The following EXOC6B variants were observed in gnomAD, a reference collection of about 807,000 sequenced individuals.
EXOC6B encodes exocyst complex component 6B.
In EXOC6B, 54 loss-of-function variants were observed where a neutral mutation model predicts 113.5. The ratio of observed to expected loss-of-function variants is 0.48; its 90% CI spans 0.38 to 0.60. The LOEUF (loss-of-function observed/expected upper bound fraction) is 0.60. Ranked by LOEUF, EXOC6B falls within the 20% of genes least tolerant of loss-of-function variation. The pLI, the probability that EXOC6B is intolerant of heterozygous loss-of-function variation, is 0.00. For synonymous variants in EXOC6B, 357 were observed against 339.0 expected, an observed-to-expected ratio of 1.05 and a Z score of -0.58; for missense variants, 797 against 977.5, an observed-to-expected ratio of 0.82 and a Z score of 2.46.
At chr2:72,775,723 T>C (rs1683656444) in intron 1 of EXOC6B, among the ~76,000 whole-genome samples, 2 of 152,122 alleles carry the variant, frequency 1.3e-5, no homozygotes, top group South Asian at 2.1e-4. Context: ...ACTTTAACAA[T>C]GGAGACAGTG....
intron 5 of EXOC6B, among the ~76,000 whole-genome samples, chr2:72,722,976 C>T (rs1029202540): frequency 6.6e-6 from 1 of 152,134 alleles, no homozygotes; most frequent in Non-Finnish European, 1.5e-5. Flanking sequence ...AAGAATGTCA[C>T]CCTATTTCCC....
intron 20 of EXOC6B, among the ~76,000 whole-genome samples, chr2:72,318,776 A>C (rs769378484): frequency 2.0e-5 from 3 of 152,220 alleles, no homozygotes; most frequent in Non-Finnish European, 4.4e-5. Context: ...AAGAATTGAA[A>C]ATATGGACAC....
chr2:72,338,910 C>CACACATACACATACACAT (rs70963125), intron 19 of EXOC6B, among the ~76,000 whole-genome samples: 4,738 of 142,486 alleles, frequency 0.033, 159 homozygotes, highest in African/African-American at 0.073. Context: ...TGGAAGAACA[C>CACACATACACATACACAT]ACACATACAC....
chr2:72,823,459 G>GAAAAAAAAAAAAAAAA lies in EXOC6B; in HGVS notation c.113+2323_113+2338dup, dbSNP rs1237385156. Among the ~76,000 whole-genome samples, 5 of 70,022 alleles carry GAAAAAAAAAAAAAAAA rather than the reference G, an allele frequency of 7.1e-5. 1 individual carries two copies. The highest frequency in any genetic ancestry group is 5.8e-4 in the Admixed American group (3 of 5,202). 45.9% of individuals were successfully genotyped at this position (70,022 alleles called of 152,430 possible). ...CCAACTTCTCAAATCAAAGTTTTAAGAAAAAAAAAAAAAAAAAAACAAAAA... is the reference window on the plus strand; with the variant it reads ...CCAACTTCTCAAATCAAAGTTTTAAGAAAAAAAAAAAAAAAAAAAAAAAAAAAAAAAAAAACAAAAA... On this transcript the variant is annotated intron_variant, in intron 1 of 21. Coordinates refer to ENST00000272427, the MANE Select transcript of EXOC6B (RefSeq NM_015189.3).
At chr2:72,694,827 A>G (rs1467251079) in intron 6 of EXOC6B, among the ~76,000 whole-genome samples, 1 of 152,076 alleles carries the variant, frequency 6.6e-6, no homozygotes, top group Non-Finnish European at 1.5e-5. Context: ...GTAGCAAGAC[A>G]TTTTCTCTGT....
chr2:72,458,804 T>C (rs1307795267), intron 18 of EXOC6B, among the ~76,000 whole-genome samples: 1 of 152,178 alleles, frequency 6.6e-6, no homozygotes, highest in African/African-American at 2.4e-5. Flanking sequence ...TGCTTCTAAA[T>C]GACCTAGAGG....
intron 19 of EXOC6B, among the ~76,000 whole-genome samples, chr2:72,358,092 C>T (rs6735400): frequency 0.21 from 32,410 of 151,902 alleles, 6,604 homozygotes; most frequent in African/African-American, 0.54. Context: ...TGTGTAAGTC[C>T]CCTGGTAAAC....
intron 13 of EXOC6B, among the ~76,000 whole-genome samples, chr2:72,497,126 AC>A (rs1465912284): frequency 2.0e-5 from 3 of 151,642 alleles, no homozygotes; most frequent in Non-Finnish European, 4.4e-5. Context: ...GTTGTTCACC[AC>A]CACATCGGGC....
intron 1 of EXOC6B, among the ~76,000 whole-genome samples, chr2:72,793,918 G>C (rs1405057174): frequency 6.6e-6 from 1 of 152,136 alleles, no homozygotes; most frequent in Non-Finnish European, 1.5e-5. Context: ...TTAATAAAAG[G>C]GAAGAGAAGA....
At chr2:72,193,947 A>C (rs1679005402) in intron 20 of EXOC6B, among the ~76,000 whole-genome samples, 1 of 152,214 alleles carries the variant, frequency 6.6e-6, no homozygotes, top group South Asian at 2.1e-4. Context: ...TGATTTACAT[A>C]ATTATCTATG....
chr2:72,250,957 C>T (rs1356695064), intron 20 of EXOC6B, among the ~76,000 whole-genome samples: 1 of 151,826 alleles, frequency 6.6e-6, no homozygotes, highest in African/African-American at 2.4e-5. Context: ...CTTACCTCAG[C>T]CTCTGGAGTA....
chr2:72,686,107 A>G (rs899550126), intron 6 of EXOC6B, among the ~76,000 whole-genome samples: 8 of 152,284 alleles, frequency 5.3e-5, no homozygotes, highest in Non-Finnish European at 1.0e-4. Context: ...GAGCTTGATA[A>G]TTCCCTTTTT....
chr2:72,823,844 T>C (rs1431879279), intron 1 of EXOC6B, among the ~76,000 whole-genome samples: 1 of 152,222 alleles, frequency 6.6e-6, no homozygotes, highest in Non-Finnish European at 1.5e-5. Flanking sequence ...GTCTTGTCAT[T>C]ATTACCTAAA....
At chr2:72,322,414 T>G (rs1369090527) in intron 20 of EXOC6B, among the ~76,000 whole-genome samples, 1 of 152,142 alleles carries the variant, frequency 6.6e-6, no homozygotes, top group Non-Finnish European at 1.5e-5. Flanking sequence ...CAGTGGTTAT[T>G]TGGGGACAAA....
intron 20 of EXOC6B, among the ~76,000 whole-genome samples, chr2:72,247,484 A>T (rs1445385202): frequency 7.2e-5 from 11 of 152,214 alleles, no homozygotes; most frequent in African/African-American, 2.7e-4. Flanking sequence ...TAGTGCTTTT[A>T]AAAAAGTTTC....
At position 72,256,264 on chromosome 2, in the gene EXOC6B, G is replaced by A. The variant is rs367820347; in HGVS notation, c.2197-72077C>T. 5.9e-5 allele frequency among the ~76,000 whole-genome samples: 9 copies of A among 152,286 alleles called. No individual in the cohort carries two copies. The East Asian group carries it at 9.6e-4, about 16-fold the overall frequency. ...ATATCTTGACTGTGGCCTCCAGAAC[G>A]GTTAGAAATAAAATTCTTGCTTTAA... On this transcript the variant is annotated intron_variant, in intron 20 of 21. Transcript: ENST00000272427.
At chr2:72,255,431 G>C (rs1386792479) in intron 20 of EXOC6B, among the ~76,000 whole-genome samples, 1 of 152,242 alleles carries the variant, frequency 6.6e-6, no homozygotes, top group Non-Finnish European at 1.5e-5. Flanking sequence ...CATGGGTGCA[G>C]AAGTAGACAC....
At chr2:72,303,940 G>T (rs1686682510) in intron 20 of EXOC6B, among the ~76,000 whole-genome samples, 1 of 152,170 alleles carries the variant, frequency 6.6e-6, no homozygotes, top group Admixed American at 6.5e-5. Context: ...GACCTATGTG[G>T]AAAACATTCT....
chr2:72,266,669 G>A (rs1423616658), intron 20 of EXOC6B, among the ~76,000 whole-genome samples: 20 of 151,808 alleles, frequency 1.3e-4, no homozygotes, highest in African/African-American at 3.9e-4. Flanking sequence ...CTTGTAGTAT[G>A]GTTTGAAGTC....
Sources: gnomAD v4.1 joint callset for allele counts (sites outside exome capture counted in the v4.1 genomes callset) on GRCh38, gnomAD v4.1.1 for gene constraint, MANE v1.5 for transcripts, NCBI Gene and HGNC (gene_info 2026-07-23, HGNC 2026-07-21) for gene names.